The following TEP1 variants were observed in gnomAD, a reference collection of about 807,000 sequenced individuals.
The protein encoded by TEP1 is telomerase protein component 1.
In TEP1, 241 loss-of-function variants were observed where a neutral mutation model predicts 306.3. The ratio of observed to expected loss-of-function variants is 0.79; its 90% CI spans 0.71 to 0.88. The LOEUF (loss-of-function observed/expected upper bound fraction) is 0.88, where lower values mean the gene tolerates loss of function less well. Ranked by LOEUF, TEP1 falls within the 40% of genes least tolerant of loss-of-function variation. The pLI, the probability that TEP1 is intolerant of heterozygous loss-of-function variation, is 0.00. For missense variants in TEP1, 3,051 were observed against 3,276.1 expected, an observed-to-expected ratio of 0.93 and a Z score of 1.68; for synonymous variants, 1,289 against 1,305.5, an observed-to-expected ratio of 0.99 and a Z score of 0.27.
Position 20,381,880 on chromosome 14 carries a change from A to T in TEP1, c.4424+33T>A. 1 of 1,610,018 alleles carries T rather than the reference A, an allele frequency of 6.2e-7. No homozygotes were observed. Among genetic ancestry groups the T allele is most frequent in the Non-Finnish European group, 8.5e-7 (1 of 1,178,032 alleles). ...GGCTCAAAGAAGGGAAGGCACAGAG[A>T]GGTCAGCGGGAGCTCTGCTGGGGCA... On this transcript the variant is annotated intron_variant, in intron 30 of 54. Coordinates refer to ENST00000262715, the MANE Select transcript of TEP1 (RefSeq NM_007110.5). This position sits in a 1 kb window ranked among gnomAD's most constrained non-coding sequence, Gnocchi z 4.0.
intron 9 of TEP1, among the ~76,000 whole-genome samples, chr14:20,399,632 TAAA>T (rs71416944): frequency 1.1e-4 from 9 of 78,610 alleles, no homozygotes; most frequent in African/African-American, 1.8e-4. Flanking sequence ...CCCTGTTTCT[TAAA>T]AAAAAAAAAA....
At position 20,379,955 on chromosome 14, in the gene TEP1, T is replaced by G; in HGVS notation, c.5102A>C (p.Tyr1701Ser). 1.2e-6 allele frequency: 2 copies of G among 1,613,628 alleles called. No homozygotes were observed. The highest frequency in any genetic ancestry group is 1.7e-6 in the Non-Finnish European group (2 of 1,179,882). The change falls in exon 35 of 55, where the codon TAC (tyrosine) becomes TCC (serine). Residue 1701 changes from tyrosine to serine, a missense_variant. By Grantham distance (144) the Tyr-to-Ser change is moderately radical (BLOSUM62 -2). Transcript: ENST00000262715. Reference protein sequence around the residue: ...AAVGTANGTVYLLDLRTWQEE... With the variant: ...AAVGTANGTVSLLDLRTWQEE... The stretch of plus-strand genomic sequence containing the variant: ...CTGCCAAGTTCTCAGGTCCAACAGG[T>G]AAACTGTCCCATTGGCAGTGCCCAC...
intron 51 of TEP1, 64 bp from the exon 52 acceptor site, chr14:20,369,843 AAC>A (rs911254374): frequency 4.6e-5 from 62 of 1,346,460 alleles, no homozygotes; most frequent in Non-Finnish European, 5.6e-5. Context: ...CAGACAAAAC[AAC>A]AGTTTTCTGC....
rs778056728 is a variant in TEP1, at chr14:20,382,681, C to T, written c.4082G>A (p.Arg1361Gln). Reference sequence around the variant, plus strand: ...GGTGACCAAGCGCAGGTAGAGCGGCCGGCCTGATTCCCGCTTCACCAGCAG... The same window carrying T: ...GGTGACCAAGCGCAGGTAGAGCGGCTGGCCTGATTCCCGCTTCACCAGCAG... ...RLLLVKRESG[R>Q]PLYLRLVTDH... The change falls in exon 28 of 55, where the codon CGG becomes CAG. Residue 1361 changes from arginine to glutamine, a missense_variant. By Grantham distance (43) the Arg-to-Gln change is conservative. Transcript: ENST00000262715. 1.2e-5 allele frequency: 19 copies of T among 1,613,914 alleles called. No homozygotes were observed. Among genetic ancestry groups the T allele is most frequent in the East Asian group, 4.5e-5 (2 of 44,884 alleles).
Position 20,391,598 on chromosome 14 carries a change from C to A in TEP1, c.2097+1G>T. ...TTGGAGGATGCTTTTTGTTTTCTTACCCCTTGTGGGTTGCTCTTTGGACAG... is the reference window on the plus strand; with the variant it reads ...TTGGAGGATGCTTTTTGTTTTCTTAACCCTTGTGGGTTGCTCTTTGGACAG... On this transcript the variant is annotated splice_donor_variant, in intron 13 of 54. Coordinates refer to ENST00000262715, the MANE Select transcript of TEP1 (RefSeq NM_007110.5). LOFTEE classifies it high-confidence loss of function. The A allele has an allele frequency of 6.2e-7, 1 of 1,610,798 alleles. No homozygotes were observed. Among genetic ancestry groups the A allele is most frequent in the Non-Finnish European group, 8.5e-7 (1 of 1,177,956 alleles).
Position 20,395,965 on chromosome 14 carries a change from G to A in TEP1, c.1660-16C>T, listed in dbSNP as rs1371023709. 2 of 1,612,094 alleles carry A rather than the reference G, an allele frequency of 1.2e-6. No homozygotes were observed. The highest frequency in any genetic ancestry group is 3.3e-5 in the Admixed American group (2 of 60,012). On this transcript the variant is annotated splice_polypyrimidine_tract_variant and intron_variant, in intron 10 of 54. Coordinates refer to ENST00000262715, the MANE Select transcript of TEP1 (RefSeq NM_007110.5). Reference sequence around the variant, plus strand: ...TCACCGACTTCTAGAAAGCAAAGGAGGGAGGGGTCATGAGCACAGGAGCCG... The same window carrying A: ...TCACCGACTTCTAGAAAGCAAAGGAAGGAGGGGTCATGAGCACAGGAGCCG...
chr14:20,377,990 C>T (rs1354615216), intron 39 of TEP1, 34 bp downstream of exon 39: 1 of 1,608,962 alleles, frequency 6.2e-7, no homozygotes, highest in East Asian at 2.2e-5. Flanking sequence ...GCTACTCCTC[C>T]TCACAACCCA....
At position 20,400,972 on chromosome 14, in the gene TEP1, A is replaced by G; in HGVS notation, c.1549+12T>C. The G allele has an allele frequency of 6.2e-7, 1 of 1,613,370 alleles. No individual in the cohort carries two copies. Among genetic ancestry groups the G allele is most frequent in the South Asian group, 1.1e-5 (1 of 91,044 alleles). Reference sequence around the variant, plus strand: ...AGAGAAGGAGGGAATGTGATGGTCAAGGTCACTCTACCAATGAGTTCCTCC... The same window carrying G: ...AGAGAAGGAGGGAATGTGATGGTCAGGGTCACTCTACCAATGAGTTCCTCC... On this transcript the variant is annotated intron_variant, in intron 9 of 54. Coordinates refer to ENST00000262715, the MANE Select transcript of TEP1 (RefSeq NM_007110.5).
At chr14:20,379,800 G>A in intron 35 of TEP1, 130 bp downstream of exon 35, 1 of 1,264,898 alleles carries the variant, frequency 7.9e-7, no homozygotes, top group East Asian at 2.5e-5. Context: ...AGCCCTTTGA[G>A]CTGATGTGCA....
intron 9 of TEP1, among the ~76,000 whole-genome samples, chr14:20,400,276 A>ATGTG (rs1217088428): frequency 6.7e-6 from 1 of 150,248 alleles, no homozygotes; most frequent in Non-Finnish European, 1.5e-5. Flanking sequence ...GTGTGTGTGT[A>ATGTG]TGTGTGTTTG....
Position 20,408,474 on chromosome 14 carries a change from A to G in TEP1, c.-24-11T>C, listed in dbSNP as rs546571352. The G allele has an allele frequency of 6.2e-5, 99 of 1,588,824 alleles. No individual in the cohort carries two copies. In the South Asian group the frequency reaches 1.0e-3, roughly 16 times the overall value. ...TCAGCTTGTATATGCCTAGAAGGAG[A>G]GAAAGACAGGAGATGAGCACCTGGC... On this transcript the variant is annotated splice_polypyrimidine_tract_variant and intron_variant, in intron 1 of 54. Transcript: ENST00000262715.
intron 39 of TEP1, 88 bp from the exon 40 acceptor site, chr14:20,377,841 C>T (rs1311702456): frequency 1.9e-6 from 3 of 1,549,186 alleles, no homozygotes; most frequent in Non-Finnish European, 2.6e-6. Flanking sequence ...CCATTAAAGT[C>T]CTCCTTCCAG....
chr14:20,386,630 A>G lies in TEP1; in HGVS notation c.2685-7T>C. 6.3e-7 allele frequency: 1 copy of G among 1,587,098 alleles called. No homozygotes were observed. Among genetic ancestry groups the G allele is most frequent in the South Asian group, 1.1e-5 (1 of 87,540 alleles). ...AAGCCGGATGCTGCGCCATCTGGGG[A>G]TAAGCAGAGAGCTGGGCTCAGTCTA... On this transcript the variant is annotated splice_polypyrimidine_tract_variant and splice_region_variant and intron_variant, in intron 18 of 54. Transcript: ENST00000262715.
At chr14:20,400,464 G>T (rs1383525721) in intron 9 of TEP1, among the ~76,000 whole-genome samples, 6 of 65,990 alleles carry the variant, frequency 9.1e-5, no homozygotes, top group African/African-American at 2.6e-4. Context: ...AGTAAAAAAC[G>T]AAAGAAAGAG....
chr14:20,400,946 A>G (rs774091569), intron 9 of TEP1, 38 bp downstream of exon 9: 1 of 1,600,438 alleles, frequency 6.2e-7, no homozygotes, highest in Non-Finnish European at 8.5e-7. Flanking sequence ...ATAAATGGGG[A>G]AGAGAAGGAG....
In TEP1 at chr14:20,381,849, G is replaced by A; in HGVS notation, c.4424+64C>T. 1.3e-6 allele frequency: 2 copies of A among 1,590,296 alleles called. No individual in the cohort carries two copies. Among genetic ancestry groups the A allele is most frequent in the Non-Finnish European group, 1.7e-6 (2 of 1,169,266 alleles). On this transcript the variant is annotated intron_variant, in intron 30 of 54. Coordinates refer to ENST00000262715, the MANE Select transcript of TEP1 (RefSeq NM_007110.5). The surrounding 1 kb of genome is among the most constrained non-coding windows in gnomAD (Gnocchi z 4.0). ...AGCCAGTTGTTGAAGCTATACAGAG[G>A]GCCCCGGCTCAAAGAAGGGAAGGCA... is the stretch of plus-strand genomic sequence containing the variant.
intron 49 of TEP1, 58 bp from the exon 50 acceptor site, chr14:20,371,690 G>T: frequency 6.7e-7 from 1 of 1,500,696 alleles, no homozygotes; most frequent in Non-Finnish European, 8.9e-7. Flanking sequence ...CCTTTCTCAG[G>T]CTCCTCAATC....
intron 40 of TEP1, 48 bp from the exon 41 acceptor site, chr14:20,377,540 G>C: frequency 1.9e-6 from 3 of 1,612,476 alleles, no homozygotes; most frequent in Non-Finnish European, 2.5e-6. Flanking sequence ...GGAAGGGGTA[G>C]GGGGCAGGGG....
intron 53 of TEP1, 103 bp downstream of exon 53, chr14:20,369,241 C>T (rs1313910218): frequency 1.7e-6 from 2 of 1,165,874 alleles, no homozygotes; most frequent in Non-Finnish European, 2.5e-6. Context: ...ATCTCCTGAC[C>T]TCATTATCTG....
Sources: allele counts gnomAD v4.1 joint callset (sites outside exome capture counted in the v4.1 genomes callset), GRCh38; gene constraint gnomAD v4.1.1; non-coding constraint Gnocchi (gnomAD v3.1); transcripts MANE v1.5; gene names NCBI Gene and HGNC (gene_info 2026-07-23, HGNC 2026-07-21).